PEBP1: variants seen among roughly 807,000 people sequenced by gnomAD.
The protein encoded by PEBP1 is phosphatidylethanolamine-binding protein 1.
Under a neutral mutation model 22.7 loss-of-function variants are expected in PEBP1, and 17 were observed. That is an observed-to-expected ratio of 0.75 (90% CI 0.51 to 1.12). The LOEUF (loss-of-function observed/expected upper bound fraction) is 1.12. PEBP1 is among the 50% of genes most tolerant of loss of function. PEBP1 has a pLI of 0.00. For missense variants in PEBP1, 205 were observed against 243.5 expected (o/e 0.84, Z 1.05); for synonymous variants, 106 against 104.3 (o/e 1.02, Z -0.10).
At chr12:118,143,653 A>G (rs2034131769) in intron 3 of PEBP1, among the ~76,000 whole-genome samples, 1 of 152,184 alleles carries the variant, frequency 6.6e-6, no homozygotes, top group Admixed American at 6.5e-5. Context: ...TAATCCCAGC[A>G]CTTTGGGAGG....
rs1348692209 is a variant in PEBP1 at position 118,145,053 on chromosome 12, A to T, written c.*250A>T. On this transcript the variant is annotated 3_prime_UTR_variant, in exon 4 of 4. Coordinates refer to ENST00000261313, the MANE Select transcript of PEBP1 (RefSeq NM_002567.4). ...GGTATTTTGGTACTGTGATGGGGTC[A>T]TCAAATTATTAATCTGAAAATAGCA... The T allele has an allele frequency of 4.2e-6, 6 of 1,419,214 alleles. No homozygotes were observed. Among genetic ancestry groups the T allele is most frequent in the Non-Finnish European group, 5.6e-6 (6 of 1,066,946 alleles). The allele number at this position is 1,419,214 out of a possible 1,614,324, so 87.9% of individuals were successfully genotyped here.
chr12:118,144,527 G>C (rs2034139245), intron 3 of PEBP1, 59 bp from the exon 4 acceptor site: 1 of 1,493,632 alleles, frequency 6.7e-7, no homozygotes, highest in African/African-American at 1.4e-5. Context: ...AAAAATGGAT[G>C]ATGTCCCCAT....
rs370642527 is a variant in PEBP1 at position 118,139,441 on chromosome 12, C to A, written c.246-10C>A. 1.9e-6 allele frequency: 3 copies of A among 1,599,586 alleles called. No homozygotes were observed. In the African/African-American group the frequency reaches 4.0e-5, roughly 21 times the overall value. ...CCTGTGGTGCTGACATCCCGTGTTT[C>A]TTCATGCAGAGAATGGCATCATTTC... On this transcript the variant is annotated splice_polypyrimidine_tract_variant and intron_variant, in intron 2 of 3. Coordinates refer to ENST00000261313, the MANE Select transcript of PEBP1 (RefSeq NM_002567.4).
chr12:118,137,997 G>A, intron 1 of PEBP1, 42 bp from the exon 2 acceptor site: 1 of 1,379,558 alleles, frequency 7.2e-7, no homozygotes, highest in Non-Finnish European at 1.0e-6. Context: ...AGTTTCTTCA[G>A]CATTTCTGAC....
Position 118,139,475 on chromosome 12 carries a change from C to T in PEBP1, c.270C>T (p.Val90=). ...GAGAATGGCATCATTTCCTGGTGGT[C>T]AACATGAAGGGCAATGACATCAGCA... is the stretch of plus-strand genomic sequence containing the variant. The part of the protein sequence containing the change: ...KYREWHHFLV[V]NMKGNDISSG... The change falls in exon 3 of 4, where the codon GTC becomes GTT. Residue 90 remains valine, a synonymous_variant. Coordinates refer to ENST00000261313, the MANE Select transcript of PEBP1 (RefSeq NM_002567.4). The T allele has an allele frequency of 6.2e-7, 1 of 1,612,602 alleles. No homozygotes were observed. Among genetic ancestry groups the T allele is most frequent in the South Asian group, 1.1e-5 (1 of 90,966 alleles).
In PEBP1 at chr12:118,144,949, T is replaced by A; in HGVS notation, c.*146T>A. On this transcript the variant is annotated 3_prime_UTR_variant, in exon 4 of 4. Coordinates refer to ENST00000261313, the MANE Select transcript of PEBP1 (RefSeq NM_002567.4). The stretch of plus-strand genomic sequence containing the variant: ...AGTCAGATGGTAGTTGAGGGTGACT[T>A]TTCCTGCTGCCTGGCCTTTATAATT... 6.5e-7 allele frequency: 1 copy of A among 1,540,116 alleles called. No homozygotes were observed. The highest frequency in any genetic ancestry group is 1.2e-5 in the South Asian group (1 of 84,156).
intron 3 of PEBP1, among the ~76,000 whole-genome samples, chr12:118,140,650 T>G (rs2034106144): frequency 6.6e-6 from 1 of 152,042 alleles, no homozygotes; most frequent in Non-Finnish European, 1.5e-5. Flanking sequence ...GCCATTCTCC[T>G]GCCTCAGCCT....
intron 3 of PEBP1, among the ~76,000 whole-genome samples, chr12:118,141,120 C>CT (rs111992400): frequency 6.2e-4 from 90 of 145,500 alleles, no homozygotes; most frequent in South Asian, 3.3e-3. Flanking sequence ...TTTCACTATT[C>CT]TTTTTTTTTT....
chr12:118,139,328 G>C, intron 2 of PEBP1, 123 bp from the exon 3 acceptor site: 2 of 522,438 alleles, frequency 3.8e-6, no homozygotes, highest in Non-Finnish European at 3.4e-6. Flanking sequence ...AAAAAAAAAA[G>C]AAAGGACTGT....
chr12:118,144,759 G>T lies in PEBP1; in HGVS notation c.520G>T (p.Asp174Tyr). 1 of 1,614,162 alleles carries T rather than the reference G, an allele frequency of 6.2e-7. No homozygotes were observed. The highest frequency in any genetic ancestry group is 8.5e-7 in the Non-Finnish European group (1 of 1,180,032). The change falls in exon 4 of 4, where the codon GAT becomes TAT. Residue 174 changes from aspartate to tyrosine, a missense_variant. Transcript: ENST00000261313. Reference sequence around the variant, plus strand: ...TGGCACGTGTTACCAGGCCGAGTGGGATGACTATGTGCCCAAACTGTACGA... The same window carrying T: ...TGGCACGTGTTACCAGGCCGAGTGGTATGACTATGTGCCCAAACTGTACGA... ...VAGTCYQAEWDDYVPKLYEQL... is the reference protein window; with the variant it reads ...VAGTCYQAEWYDYVPKLYEQL...
intron 2 of PEBP1, among the ~76,000 whole-genome samples, chr12:118,138,643 G>C (rs1035525620): frequency 4.0e-5 from 6 of 151,804 alleles, no homozygotes; most frequent in African/African-American, 1.2e-4. Flanking sequence ...TGATCTGCCC[G>C]CCTCAGTCTC....
chr12:118,142,078 A>G (rs148962163), intron 3 of PEBP1, among the ~76,000 whole-genome samples: 1 of 152,262 alleles, frequency 6.6e-6, no homozygotes, highest in Non-Finnish European at 1.5e-5. Flanking sequence ...TGTTAGTGAA[A>G]TGAGCCAGTC....
intron 3 of PEBP1, among the ~76,000 whole-genome samples, chr12:118,143,344 A>C (rs1432709435): frequency 1.3e-5 from 2 of 152,178 alleles, no homozygotes; most frequent in African/African-American, 4.8e-5. Context: ...GCGACTGGCT[A>C]ATTTCACTAA....
At position 118,136,307 on chromosome 12, in the gene PEBP1, C is replaced by T; in HGVS notation, c.98C>T (p.Ala33Val). ...HPLHVTYAGA[A>V]VDELGKVLTP... Reference sequence around the variant, plus strand: ...CTGCATGTCACCTACGCCGGGGCGGCGGTGGACGAGCTGGGCAAAGTGCTG... The same window carrying T: ...CTGCATGTCACCTACGCCGGGGCGGTGGTGGACGAGCTGGGCAAAGTGCTG... The change falls in exon 1 of 4, where the codon GCG becomes GTG. Residue 33 changes from alanine to valine, a missense_variant. By Grantham distance (64) the Ala-to-Val change is moderately conservative. Transcript: ENST00000261313. This position sits in a 1 kb window ranked among gnomAD's most constrained non-coding sequence, Gnocchi z 5.6. The T allele has an allele frequency of 1.3e-6, 2 of 1,545,616 alleles. No homozygotes were observed. The highest frequency in any genetic ancestry group is 1.4e-5 in the African/African-American group (1 of 73,006).
intron 3 of PEBP1, among the ~76,000 whole-genome samples, chr12:118,143,921 A>C (rs1017750031): frequency 1.3e-5 from 2 of 149,782 alleles, no homozygotes; most frequent in African/African-American, 2.5e-5. Context: ...AAAAAAAAAA[A>C]CCCACTTTTT....
chr12:118,144,649 T>A lies in PEBP1; in HGVS notation c.410T>A (p.Ile137Asn), dbSNP rs753989389. ...QDRPLKCDEP[I>N]LSNRSGDHRG... ...AGGCCGCTAAAGTGTGACGAGCCCA[T>A]CCTCAGCAACCGATCTGGAGACCAC... The change falls in exon 4 of 4, where the codon ATC becomes AAC. Residue 137 changes from isoleucine (I) to asparagine (N), a missense_variant. Transcript: ENST00000261313. 2 of 1,614,052 alleles carry A rather than the reference T, an allele frequency of 1.2e-6. No homozygotes were observed. Among genetic ancestry groups the A allele is most frequent in the South Asian group, 2.2e-5 (2 of 91,084 alleles).
Position 118,144,571 on chromosome 12 carries a change from T to TG in PEBP1, c.347-14dup. The TG allele has an allele frequency of 6.2e-7, 1 of 1,606,396 alleles. No homozygotes were observed. The highest frequency in any genetic ancestry group is 8.5e-7 in the Non-Finnish European group (1 of 1,176,326). On this transcript the variant is annotated splice_polypyrimidine_tract_variant and intron_variant, in intron 3 of 3. Coordinates refer to ENST00000261313, the MANE Select transcript of PEBP1 (RefSeq NM_002567.4). ...CTGGGCTGTGTGTACATCTTCCCTC[T>TG]GCCTCTCCCCACAGGCCTCCACCGC... is the stretch of plus-strand genomic sequence containing the variant.
chr12:118,140,082 G>A (rs577778171), intron 3 of PEBP1, among the ~76,000 whole-genome samples: 1 of 152,260 alleles, frequency 6.6e-6, no homozygotes, highest in South Asian at 2.1e-4. Flanking sequence ...ACATTGTATT[G>A]TGTAGTATCG....
At chr12:118,144,120 G>C (rs565415997) in intron 3 of PEBP1, among the ~76,000 whole-genome samples, 16 of 152,118 alleles carry the variant, frequency 1.1e-4, no homozygotes, top group African/African-American at 3.6e-4. Flanking sequence ...TGGTGGGCCC[G>C]GGTCATTGAT....
Sources: allele counts gnomAD v4.1 joint callset (sites outside exome capture counted in the v4.1 genomes callset), GRCh38; gene constraint gnomAD v4.1.1; non-coding constraint Gnocchi (gnomAD v3.1); transcripts MANE v1.5; gene names NCBI Gene and HGNC (gene_info 2026-07-23, HGNC 2026-07-21).